MSI2: variants seen among roughly 807,000 people sequenced by gnomAD.
MSI2 encodes the protein musashi RNA binding protein 2, also known as RNA-binding protein Musashi homolog 2.
MSI2 carries 17 observed loss-of-function variants against 45.6 expected under a neutral mutation model. That is an observed-to-expected ratio of 0.37 (90% CI 0.26 to 0.56). The LOEUF is 0.56. Among genes scored for constraint, MSI2 ranks in the 20% least tolerant of loss-of-function variants. MSI2 has a pLI of 0.77. For missense variants in MSI2, 293 were observed against 444.2 expected, an observed-to-expected ratio of 0.66 and a Z score of 3.06; for synonymous variants, 156 against 158.2, an observed-to-expected ratio of 0.99 and a Z score of 0.11.
chr17:57,319,172 G>A (rs1322190495), intron 5 of MSI2, among the ~76,000 whole-genome samples: 2 of 152,360 alleles, frequency 1.3e-5, no homozygotes, highest in African/African-American at 2.4e-5. Context: ...TGTAAAGGAG[G>A]TGTTCAGAAA....
At chr17:57,550,609 C>G (rs2087280869) in intron 7 of MSI2, among the ~76,000 whole-genome samples, 1 of 152,138 alleles carries the variant, frequency 6.6e-6, no homozygotes, top group Non-Finnish European at 1.5e-5. Flanking sequence ...GGGACAGAAT[C>G]AGAAGTGAAG....
chr17:57,394,742 G>A (rs1479367385), intron 5 of MSI2, among the ~76,000 whole-genome samples: 1 of 152,156 alleles, frequency 6.6e-6, no homozygotes. Flanking sequence ...CTGCCAGTGG[G>A]CGTGACTTGC....
intron 5 of MSI2, among the ~76,000 whole-genome samples, chr17:57,340,451 C>G (rs908243724): frequency 1.3e-5 from 2 of 152,340 alleles, no homozygotes; most frequent in East Asian, 3.9e-4. Context: ...GGATCAAGCT[C>G]TGGCACTAAC....
rs149673982 is a variant in MSI2 at position 57,350,525 on chromosome 17, C to T, written c.313-50854C>T. 3.3e-3 allele frequency among the ~76,000 whole-genome samples: 499 copies of T among 152,164 alleles called. 1 individual carries two copies. Among genetic ancestry groups the T allele is most frequent in the African/African-American group, 0.011 (464 of 41,504 alleles). The stretch of plus-strand genomic sequence containing the variant: ...GCTGTTGCATGGCCTGGAGGGTGGC[C>T]GTGGTGTGTTCCTCCCTCCTCCCCA... On this transcript the variant is annotated intron_variant, in intron 5 of 13. Transcript: ENST00000284073.
chr17:57,601,084 G>C (rs2144485081), intron 8 of MSI2: 1 of 152,426 alleles, frequency 6.6e-6, no homozygotes, highest in East Asian at 1.9e-4. Flanking sequence ...CTGGGCTGCA[G>C]GCCCTCCATC....
upstream of MSI2, among the ~76,000 whole-genome samples, chr17:57,256,283 C>T (rs1346401414): frequency 2.0e-5 from 3 of 151,718 alleles, no homozygotes; most frequent in Non-Finnish European, 4.4e-5. Context: ...AGGCGGGGTC[C>T]CCTCCGCCCG....
intron 8 of MSI2, among the ~76,000 whole-genome samples, chr17:57,600,609 G>A (rs1006103931): frequency 6.6e-6 from 1 of 152,156 alleles, no homozygotes; most frequent in Non-Finnish European, 1.5e-5. Flanking sequence ...CCATGCAGAA[G>A]GGCCAGGAGA....
chr17:57,492,617 G>GT (rs5821187), intron 6 of MSI2, among the ~76,000 whole-genome samples: 51,038 of 150,884 alleles, frequency 0.34, 10,332 homozygotes, highest in Non-Finnish European at 0.47. Flanking sequence ...GTTTTGTTTT[G>GT]TTTTTTTTTG....
chr17:57,338,547 C>T (rs1355221909), intron 5 of MSI2, among the ~76,000 whole-genome samples: 2 of 152,188 alleles, frequency 1.3e-5, no homozygotes, highest in African/African-American at 2.4e-5. Context: ...GCAGGCCCCA[C>T]GCAGACTTGT....
intron 6 of MSI2, among the ~76,000 whole-genome samples, chr17:57,447,238 T>C (rs1304861249): frequency 6.6e-6 from 1 of 152,142 alleles, no homozygotes; most frequent in Non-Finnish European, 1.5e-5. Context: ...AGGTGTGTGC[T>C]GCCATGCTCA....
intron 7 of MSI2, among the ~76,000 whole-genome samples, chr17:57,556,294 A>G (rs764269079): frequency 5.3e-5 from 8 of 152,086 alleles, no homozygotes; most frequent in Non-Finnish European, 7.4e-5. Context: ...TTCCTTGGCC[A>G]CTTTTTCAAT....
chr17:57,542,193 T>C (rs927205735), intron 7 of MSI2, among the ~76,000 whole-genome samples: 1 of 152,164 alleles, frequency 6.6e-6, no homozygotes, highest in African/African-American at 2.4e-5. Flanking sequence ...AGAATGGTGG[T>C]GACCCAAGGA....
chr17:57,594,781 A>G (rs555652577), intron 7 of MSI2, among the ~76,000 whole-genome samples: 1 of 152,126 alleles, frequency 6.6e-6, no homozygotes, highest in South Asian at 2.1e-4. Context: ...CTGAGAACCT[A>G]GCTTTTACTG....
At chr17:57,257,440 C>A (rs1317640763) in intron 2 of MSI2, 26 bp from the exon 3 acceptor site, 3 of 1,231,384 alleles carry the variant, frequency 2.4e-6, no homozygotes, top group Non-Finnish European at 3.5e-6. Flanking sequence ...TCTCCCCCCC[C>A]CATCTCTCTC....
chr17:57,389,601 G>T (rs968261021), intron 5 of MSI2, among the ~76,000 whole-genome samples: 4 of 152,200 alleles, frequency 2.6e-5, no homozygotes, highest in Non-Finnish European at 4.4e-5. Context: ...CTCATGCAGT[G>T]CTTGGCACAT....
intron 7 of MSI2, among the ~76,000 whole-genome samples, chr17:57,553,552 A>T (rs2087355988): frequency 6.6e-6 from 1 of 152,192 alleles, no homozygotes; most frequent in South Asian, 2.1e-4. Context: ...GGCTGAGGCT[A>T]AGGAGATGGG....
intron 7 of MSI2, among the ~76,000 whole-genome samples, chr17:57,543,148 G>A (rs946195618): frequency 4.6e-5 from 7 of 152,198 alleles, no homozygotes; most frequent in East Asian, 3.8e-4. Flanking sequence ...CTGGAGAGGC[G>A]TGTAGGAGCT....
intron 5 of MSI2, among the ~76,000 whole-genome samples, chr17:57,313,183 C>G (rs1475544307): frequency 6.6e-6 from 1 of 152,150 alleles, no homozygotes; most frequent in Admixed American, 6.5e-5. Flanking sequence ...ACTTTCTCTG[C>G]TTGCCTTAGG....
intron 5 of MSI2, among the ~76,000 whole-genome samples, chr17:57,355,412 T>G: frequency 6.6e-6 from 1 of 152,204 alleles, no homozygotes; most frequent in East Asian, 1.9e-4. Context: ...ACTGGGTAGG[T>G]TCCCTGAAGA....
Sources: gnomAD v4.1 joint callset for allele counts (sites outside exome capture counted in the v4.1 genomes callset) on GRCh38, gnomAD v4.1.1 for gene constraint, MANE v1.5 for transcripts, NCBI Gene and HGNC (gene_info 2026-07-23, HGNC 2026-07-21) for gene names.